EFCAB13: variants seen among roughly 807,000 people sequenced by gnomAD.
The protein encoded by EFCAB13 is EF-hand calcium-binding domain-containing protein 13.
Under a neutral mutation model 110.2 loss-of-function variants are expected in EFCAB13, and 91 were observed. The ratio of observed to expected loss-of-function variants is 0.83; its 90% CI spans 0.70 to 0.98. The LOEUF is 0.98. Ranked by LOEUF, EFCAB13 falls within the 50% of genes least tolerant of loss-of-function variation. The pLI is 0.00. For synonymous variants in EFCAB13, 323 were observed against 369.9 expected, an observed-to-expected ratio of 0.87 and a Z score of 1.45; for missense variants, 968 against 1,119.4, an observed-to-expected ratio of 0.86 and a Z score of 1.93.
intron 23 of EFCAB13, among the ~76,000 whole-genome samples, chr17:47,427,500 A>C (rs1368187035): frequency 6.6e-6 from 1 of 152,054 alleles, no homozygotes; most frequent in Non-Finnish European, 1.5e-5. Context: ...TCCAATCTTC[A>C]TAGCGTTAAT....
chr17:47,415,868 T>C (rs1188599806), intron 23 of EFCAB13, among the ~76,000 whole-genome samples: 1 of 152,090 alleles, frequency 6.6e-6, no homozygotes, highest in Non-Finnish European at 1.5e-5. Context: ...AGACTTCTGC[T>C]TGGCCTCTGT....
At chr17:47,329,218 G>C (rs555289816) in intron 4 of EFCAB13, among the ~76,000 whole-genome samples, 1 of 152,032 alleles carries the variant, frequency 6.6e-6, no homozygotes, top group East Asian at 1.9e-4. Context: ...TAAACAAGGG[G>C]GGCATTCCAG....
Position 47,390,941 on chromosome 17 carries a change from T to TATCTATCTATCA in EFCAB13, c.1583-489_1583-488insTATCAATCTATC, listed in dbSNP as rs1316749682. On this transcript the variant is annotated intron_variant, in intron 14 of 24. Coordinates refer to ENST00000331493, the MANE Select transcript of EFCAB13 (RefSeq NM_152347.5). ...CTATCTATCTATCTGTCTATCTATCTATCTATCATATATTTTTTGAGATGG... is the reference window on the plus strand; with the variant it reads ...CTATCTATCTATCTGTCTATCTATCTATCTATCTATCAATCTATCATATATTTTTTGAGATGG... Among the ~76,000 whole-genome samples, 11 of 152,098 alleles carry TATCTATCTATCA rather than the reference T, an allele frequency of 7.2e-5. No individual in the cohort carries two copies. The East Asian group carries it at 2.1e-3, about 29-fold the overall frequency.
At chr17:47,401,122 C>T (rs555686886) in intron 17 of EFCAB13, among the ~76,000 whole-genome samples, 305 of 152,250 alleles carry the variant, frequency 2.0e-3, no homozygotes, top group Middle Eastern at 6.8e-3. Flanking sequence ...TGCAAAAAGA[C>T]ATGCGTTTTT....
chr17:47,328,315 T>C lies in EFCAB13; in HGVS notation c.-39T>C, dbSNP rs1245602277. 1.9e-6 allele frequency: 3 copies of C among 1,581,962 alleles called. No individual in the cohort carries two copies. Among genetic ancestry groups the C allele is most frequent in the Non-Finnish European group, 2.6e-6 (3 of 1,151,754 alleles). ...TCATTCATACTTGTTCATCAAAGCC[T>C]GGAGTCCTTAAGGACAGAATTTACC... On this transcript the variant is annotated 5_prime_UTR_variant, in exon 4 of 25. Coordinates refer to ENST00000331493, the MANE Select transcript of EFCAB13 (RefSeq NM_152347.5).
In EFCAB13 at chr17:47,414,237, GTA is replaced by G. The variant is rs1168624126; in HGVS notation, c.2423-609_2423-608del. On this transcript the variant is annotated intron_variant, in intron 22 of 24. Transcript: ENST00000331493. ...TGCACCTTACTTCACTTGTGACTGTGTATGTGTGTGTGTGCACGTGCGTGTGT... is the reference window on the plus strand; with the variant it reads ...TGCACCTTACTTCACTTGTGACTGTGTGTGTGTGTGTGCACGTGCGTGTGT... 7.0e-4 allele frequency among the ~76,000 whole-genome samples: 61 copies of G among 87,120 alleles called. 1 individual carries two copies. In the East Asian group the frequency reaches 0.013, roughly 18 times the overall value. The allele number at this position is 87,120 out of a possible 152,430, so 57.2% of individuals were successfully genotyped here.
intron 23 of EFCAB13, among the ~76,000 whole-genome samples, chr17:47,417,751 C>T (rs1164382817): frequency 6.6e-6 from 1 of 152,154 alleles, no homozygotes; most frequent in Non-Finnish European, 1.5e-5. Flanking sequence ...AAATCCTGTG[C>T]AGTCATGCAC....
In EFCAB13 at chr17:47,441,003, A is replaced by C. The variant is rs1270858284; in HGVS notation, c.*289A>C. On this transcript the variant is annotated 3_prime_UTR_variant, in exon 25 of 25. Coordinates refer to ENST00000331493, the MANE Select transcript of EFCAB13 (RefSeq NM_152347.5). ...TGTAATGTAACCCTTACTATACACAACATATAGACTATATTATCCCCCAGA... is the reference window on the plus strand; with the variant it reads ...TGTAATGTAACCCTTACTATACACACCATATAGACTATATTATCCCCCAGA... The C allele has an allele frequency of 1.5e-5, 3 of 198,844 alleles. No homozygotes were observed. In the East Asian group the frequency reaches 3.7e-4, roughly 24 times the overall value. The allele number at this position is 198,844 out of a possible 1,614,324, so 12.3% of individuals were successfully genotyped here.
At position 47,400,553 on chromosome 17, in the gene EFCAB13, G is replaced by T. The variant is rs190566140; in HGVS notation, c.1946-1579G>T. Among the ~76,000 whole-genome samples the T allele has an allele frequency of 2.6e-5, 4 of 151,954 alleles. No homozygotes were observed. In the East Asian group the frequency reaches 7.7e-4, roughly 29 times the overall value. ...GTTAGTGTTATCAGTACCTGTTGACGTCAGATGGCTCCCTGCTTCCTTTCT... is the reference window on the plus strand; with the variant it reads ...GTTAGTGTTATCAGTACCTGTTGACTTCAGATGGCTCCCTGCTTCCTTTCT... On this transcript the variant is annotated intron_variant, in intron 17 of 24. Coordinates refer to ENST00000331493, the MANE Select transcript of EFCAB13 (RefSeq NM_152347.5).
intron 4 of EFCAB13, among the ~76,000 whole-genome samples, chr17:47,331,520 A>G (rs1448667060): frequency 6.6e-6 from 1 of 152,134 alleles, no homozygotes; most frequent in Non-Finnish European, 1.5e-5. Context: ...TTACCCTGCT[A>G]TCAACATCCT....
At chr17:47,378,257 A>C (rs2292344) in intron 13 of EFCAB13, among the ~76,000 whole-genome samples, 3,233 of 152,244 alleles carry the variant, frequency 0.021, 106 homozygotes, top group East Asian at 0.18. Context: ...ATCTGCACAA[A>C]TAGCCCAAGG....
At chr17:47,332,876 G>A (rs1218112481) in intron 4 of EFCAB13, among the ~76,000 whole-genome samples, 1 of 152,142 alleles carries the variant, frequency 6.6e-6, no homozygotes, top group African/African-American at 2.4e-5. Flanking sequence ...AAATGAATAT[G>A]GGAGTGCAGA....
intron 14 of EFCAB13, among the ~76,000 whole-genome samples, chr17:47,384,839 C>T (rs1002150197): frequency 2.6e-5 from 4 of 151,818 alleles, no homozygotes; most frequent in Non-Finnish European, 2.9e-5. Context: ...GGCACATCTC[C>T]GCTCACTGCA....
intron 10 of EFCAB13, among the ~76,000 whole-genome samples, chr17:47,367,318 A>T (rs908371397): frequency 4.6e-5 from 7 of 152,228 alleles, no homozygotes; most frequent in African/African-American, 1.7e-4. Flanking sequence ...AGAGAATCAG[A>T]GTGAATCAGG....
rs144400453 is a variant in EFCAB13, at chr17:47,374,915, A to T, written c.1321A>T (p.Ser441Cys). 6.2e-7 allele frequency: 1 copy of T among 1,600,658 alleles called. No homozygotes were observed. The highest frequency in any genetic ancestry group is 1.4e-5 in the African/African-American group (1 of 73,958). The part of the protein sequence containing the change: ...LQKPAVRKHS[S>C]LQKQVSSTEK... ...GAAGCCAGCTGTAAGAAAGCATTCC[A>T]GTCTCCAAAAACAGGTTTCGTCTAC... The change falls in exon 12 of 25, where the codon AGT becomes TGT. Residue 441 changes from serine (S) to cysteine (C), a missense_variant. Transcript: ENST00000331493.
At chr17:47,327,171 C>G (rs200619176) in intron 3 of EFCAB13, among the ~76,000 whole-genome samples, 65 of 140,206 alleles carry the variant, frequency 4.6e-4, no homozygotes, top group African/African-American at 1.7e-3. Context: ...GTTTTGTTTT[C>G]TTTTGTTTTG....
At chr17:47,349,402 T>C (rs934304159) in intron 9 of EFCAB13, among the ~76,000 whole-genome samples, 5 of 152,194 alleles carry the variant, frequency 3.3e-5, no homozygotes, top group Non-Finnish European at 7.4e-5. Flanking sequence ...GAACTACAAA[T>C]ATAAAAATTA....
rs764275457 is a variant in EFCAB13, at chr17:47,404,588, T to C, written c.2188T>C (p.Cys730Arg). 1.2e-6 allele frequency: 2 copies of C among 1,612,890 alleles called. No homozygotes were observed. The highest frequency in any genetic ancestry group is 1.7e-6 in the Non-Finnish European group (2 of 1,179,320). ...SEDNMVNIKD[C>R]MRALRDTQKF... ...AGATAACATGGTGAACATTAAAGAC[T>C]GTATGAGGGCTTTGAGGGACACCCA... The change falls in exon 20 of 25, where the codon TGT becomes CGT. Residue 730 changes from cysteine to arginine, a missense_variant. Cys to Arg is a radical substitution (Grantham distance 180). Transcript: ENST00000331493.
chr17:47,331,260 G>A (rs979884359), intron 4 of EFCAB13, among the ~76,000 whole-genome samples: 1 of 151,808 alleles, frequency 6.6e-6, no homozygotes, highest in African/African-American at 2.4e-5. Flanking sequence ...TGCTGTGTAA[G>A]AGCTTCTGAA....
Sources: gnomAD v4.1 joint callset for allele counts (sites outside exome capture counted in the v4.1 genomes callset) on GRCh38, gnomAD v4.1.1 for gene constraint, MANE v1.5 for transcripts, NCBI Gene and HGNC (gene_info 2026-07-23, HGNC 2026-07-21) for gene names.